The following PRSS55 variants were observed in gnomAD, a reference collection of about 807,000 sequenced individuals.
PRSS55 encodes probable serine protease UNQ9391/PRO34284.
A neutral mutation model predicts 23.6 loss-of-function variants in PRSS55; 41 were observed. That is an observed-to-expected ratio of 1.74 (90% confidence interval 1.35 to 2.26). The LOEUF is 2.26. Among genes scored for constraint, PRSS55 ranks in the 30% most tolerant of loss-of-function variants. The pLI is 0.00. For missense variants in PRSS55, 669 were observed against 439.1 expected (o/e 1.52, Z -4.68); for synonymous variants, 262 against 175.5 (o/e 1.49, Z -3.90).
intron 4 of PRSS55, among the ~76,000 whole-genome samples, chr8:10,535,323 C>G (rs544760264): frequency 1.3e-5 from 2 of 152,318 alleles, no homozygotes; most frequent in South Asian, 4.1e-4. Context: ...AACTATACTA[C>G]AGGGCTATGG....
At chr8:10,546,899 T>G (rs927077725) in intron 4 of PRSS55, among the ~76,000 whole-genome samples, 2 of 152,088 alleles carry the variant, frequency 1.3e-5, no homozygotes, top group African/African-American at 4.8e-5. Context: ...CAGGCTGGCC[T>G]TGTACTCCTG....
Position 10,538,788 on chromosome 8 carries a change from T to C in PRSS55, c.1054T>C (p.Tyr352His). 1 of 1,556,698 alleles carries C rather than the reference T, an allele frequency of 6.4e-7. No individual in the cohort carries two copies. The highest frequency in any genetic ancestry group is 8.7e-7 in the Non-Finnish European group (1 of 1,155,188). Reference sequence around the variant, plus strand: ...CCATGTGTTGTTCAGAGCTATTTTGTACTGATAATAAAATAGAGGCTATTC... The same window carrying C: ...CCATGTGTTGTTCAGAGCTATTTTGCACTGATAATAAAATAGAGGCTATTC... ...LSHVLFRAIL[Y>H] The change falls in exon 5 of 5, where the codon TAC becomes CAC. Residue 352 changes from tyrosine to histidine, a missense_variant. By Grantham distance (83) the Tyr-to-His change is moderately conservative. Transcript: ENST00000328655.
At chr8:10,538,153 A>T (rs558134310) in intron 4 of PRSS55, among the ~76,000 whole-genome samples, 30 of 152,084 alleles carry the variant, frequency 2.0e-4, no homozygotes, top group African/African-American at 7.0e-4. Context: ...ATTTGATAAG[A>T]CCCTCAAAAC....
chr8:10,538,910 G>T (rs77593194), downstream of PRSS55: 10,223 of 1,057,690 alleles, frequency 9.7e-3, 598 homozygotes, highest in African/African-American at 0.13. Flanking sequence ...GGACCAGGAG[G>T]ACCAGAGAGT....
chr8:10,530,368 A>G lies in PRSS55; in HGVS notation c.347+669A>G, dbSNP rs1413250766. 2.6e-5 allele frequency among the ~76,000 whole-genome samples: 4 copies of G among 152,318 alleles called. No homozygotes were observed. In the East Asian group the frequency reaches 5.8e-4, roughly 22 times the overall value. Reference sequence around the variant, plus strand: ...CGTGCGCCTGTAGTCCCAGCTGTTCAGGAGGCTGAGACAGGAGAGTTGCTT... The same window carrying G: ...CGTGCGCCTGTAGTCCCAGCTGTTCGGGAGGCTGAGACAGGAGAGTTGCTT... On this transcript the variant is annotated intron_variant, in intron 2 of 4. Transcript: ENST00000328655.
chr8:10,531,841 A>G (rs1053201957), intron 3 of PRSS55: 8 of 383,796 alleles, frequency 2.1e-5, no homozygotes, highest in African/African-American at 1.6e-4. Flanking sequence ...CTGTATTCAT[A>G]AACATCTTCC....
At chr8:10,553,834 A>C (rs1449745947) in intron 4 of PRSS55, 3 of 656,920 alleles carry the variant, frequency 4.6e-6, no homozygotes, top group Non-Finnish European at 7.5e-6. Flanking sequence ...TATGTTAATT[A>C]GTTTAATTGG....
intron 4 of PRSS55, among the ~76,000 whole-genome samples, chr8:10,537,262 TAGGCAG>T (rs2117046599): frequency 6.6e-6 from 1 of 152,208 alleles, no homozygotes; most frequent in African/African-American, 2.4e-5. Flanking sequence ...TAAAGAAAAT[TAGGCAG>T]TATACACGAC....
chr8:10,541,950 AT>A (rs1036834520), downstream of PRSS55, among the ~76,000 whole-genome samples: 1 of 151,954 alleles, frequency 6.6e-6, no homozygotes, highest in African/African-American at 2.4e-5. Context: ...ATTTTTTAAA[AT>A]TTTTTGTAGA....
At chr8:10,536,324 A>G (rs1285921029) in intron 4 of PRSS55, among the ~76,000 whole-genome samples, 1 of 152,274 alleles carries the variant, frequency 6.6e-6, no homozygotes, top group Non-Finnish European at 1.5e-5. Flanking sequence ...ATATCATCCC[A>G]TACCAGTCAG....
intron 1 of PRSS55, among the ~76,000 whole-genome samples, chr8:10,527,033 C>T (rs573157070): frequency 1.3e-5 from 2 of 152,308 alleles, no homozygotes; most frequent in African/African-American, 4.8e-5. Flanking sequence ...CACCATCCAA[C>T]CCAGCTCATA....
chr8:10,544,015 T>A (rs1812744747), intron 4 of PRSS55, among the ~76,000 whole-genome samples: 1 of 152,214 alleles, frequency 6.6e-6, no homozygotes, highest in South Asian at 2.1e-4. Flanking sequence ...GGGTAGCGTG[T>A]TCTATAGATG....
chr8:10,533,821 G>C (rs371466506), intron 4 of PRSS55, among the ~76,000 whole-genome samples: 1 of 152,154 alleles, frequency 6.6e-6, no homozygotes, highest in Non-Finnish European at 1.5e-5. Flanking sequence ...TAAATATTCT[G>C]AACAGTGATG....
At position 10,531,529 on chromosome 8, in the gene PRSS55, G is replaced by A; in HGVS notation, c.582G>A (p.Trp194Ter). ...ATWRECWVAG[W>*]GQTNAADKNS... is the part of the protein sequence containing the mutation. Reference sequence around the variant, plus strand: ...GGCGCGAATGCTGGGTGGCAGGTTGGGGCCAGACCAATGCTGGTATGTGAC... The same window carrying A: ...GGCGCGAATGCTGGGTGGCAGGTTGAGGCCAGACCAATGCTGGTATGTGAC... The change falls in exon 3 of 5, where the codon TGG (tryptophan) becomes TGA (stop). Residue 194 changes from tryptophan to a stop codon, truncating the protein, a stop_gained. Transcript: ENST00000328655. LOFTEE classifies it high-confidence loss of function. 1 of 1,613,686 alleles carries A rather than the reference G, an allele frequency of 6.2e-7. No homozygotes were observed. The highest frequency in any genetic ancestry group is 2.2e-5 in the East Asian group (1 of 44,884).
intron 4 of PRSS55, among the ~76,000 whole-genome samples, chr8:10,545,364 A>T (rs1429396493): frequency 6.6e-6 from 1 of 152,070 alleles, no homozygotes; most frequent in African/African-American, 2.4e-5. Flanking sequence ...TGCCTGGCTA[A>T]TTTTATTTTA....
intron 4 of PRSS55, chr8:10,553,864 A>G (rs895525306): frequency 6.6e-6 from 6 of 908,996 alleles, no homozygotes; most frequent in African/African-American, 1.7e-5. Flanking sequence ...TTCACAATGT[A>G]TACATAAATC....
chr8:10,542,436 G>C (rs77853647), downstream of PRSS55, among the ~76,000 whole-genome samples: 3 of 140,030 alleles, frequency 2.1e-5, no homozygotes, highest in African/African-American at 7.8e-5. Context: ...AAAAAAAAAA[G>C]CTAAGACAAT....
At chr8:10,540,527 C>G (rs968091445), downstream of PRSS55, 3 of 152,130 alleles carry the variant, frequency 2.0e-5, no homozygotes, top group Admixed American at 1.3e-4. Context: ...GTCTGGCCAC[C>G]ACGGTGAAAC....
intron 1 of PRSS55, among the ~76,000 whole-genome samples, chr8:10,527,783 T>G (rs1252537068): frequency 2.6e-5 from 4 of 152,184 alleles, no homozygotes; most frequent in African/African-American, 7.2e-5. Flanking sequence ...AAAGTGAGGA[T>G]GAAAATAAGA....
Sources: allele counts gnomAD v4.1 joint callset (sites outside exome capture counted in the v4.1 genomes callset), GRCh38; gene constraint gnomAD v4.1.1; transcripts MANE v1.5; gene names NCBI Gene and HGNC (gene_info 2026-07-23, HGNC 2026-07-21).